ZMIZ1: variants seen among roughly 807,000 people sequenced by gnomAD.
ZMIZ1 encodes zinc finger MIZ-type containing 1, also known as zinc finger MIZ domain-containing protein 1.
ZMIZ1 carries 17 observed loss-of-function variants against 113.9 expected under a neutral mutation model. The ratio of observed to expected loss-of-function variants is 0.15; its 90% CI spans 0.10 to 0.22. The LOEUF is 0.22. Ranked by LOEUF, ZMIZ1 falls within the 10% of genes least tolerant of loss-of-function variation. The pLI, the probability that ZMIZ1 is intolerant of heterozygous loss-of-function variation, is 1.00. For synonymous variants in ZMIZ1, 607 were observed against 603.1 expected (o/e 1.01, Z -0.09); for missense variants, 1,059 against 1,477.8 (o/e 0.72, Z 4.65).
intron 4 of ZMIZ1, among the ~76,000 whole-genome samples, 176 bp downstream of exon 4, chr10:79,162,309 C>G (rs1285118317): frequency 6.6e-6 from 1 of 152,246 alleles, no homozygotes; most frequent in African/African-American, 2.4e-5. Context: ...TGGGCTGTCC[C>G]TCTACCTGGC....
chr10:79,231,454 A>T (rs1849389625), intron 7 of ZMIZ1, among the ~76,000 whole-genome samples: 1 of 152,064 alleles, frequency 6.6e-6, no homozygotes, highest in Admixed American at 6.6e-5. Context: ...GTGTTGACCA[A>T]GCTGGTCTTG....
At chr10:79,248,690 G>T (rs1426474252) in intron 7 of ZMIZ1, among the ~76,000 whole-genome samples, 7 of 152,178 alleles carry the variant, frequency 4.6e-5, no homozygotes, top group African/African-American at 1.7e-4. Flanking sequence ...AGGAGCTCCG[G>T]GAACTGGATG....
At chr10:79,299,783 G>A (rs540480868) in intron 16 of ZMIZ1, among the ~76,000 whole-genome samples, 2 of 152,362 alleles carry the variant, frequency 1.3e-5, no homozygotes, top group Admixed American at 1.3e-4. Context: ...AGGAAGCTGA[G>A]GCTAGAGAAG....
At chr10:79,226,779 TAGAC>T (rs1849216323) in intron 7 of ZMIZ1, among the ~76,000 whole-genome samples, 1 of 152,202 alleles carries the variant, frequency 6.6e-6, no homozygotes, top group African/African-American at 2.4e-5. Context: ...CCTTCTGGGT[TAGAC>T]AGACAGATAG....
Position 79,284,931 on chromosome 10 carries a change from C to T in ZMIZ1, c.426-4844C>T, listed in dbSNP as rs374580463. Among the ~76,000 whole-genome samples the T allele has an allele frequency of 3.9e-5, 6 of 152,336 alleles. No individual in the cohort carries two copies. In the East Asian group the frequency reaches 5.8e-4, roughly 15 times the overall value. On this transcript the variant is annotated intron_variant, in intron 8 of 24. Transcript: ENST00000334512. ...TCCTGGAAGACTATTTGGGTTTTCT[C>T]TGCAGCTGGGCTTTGAGGCCCATCT...
rs41306560 is a variant in ZMIZ1, at chr10:79,313,955, C to A, written c.*1206C>A. The A allele has an allele frequency of 1.5e-4, 63 of 429,630 alleles. No homozygotes were observed. Among genetic ancestry groups the A allele is most frequent in the Non-Finnish European group, 2.6e-4 (56 of 212,914 alleles). The allele number at this position is 429,630 out of a possible 1,614,324, so 26.6% of individuals were successfully genotyped here. A position where few individuals can be genotyped will look rare whatever the true frequency, so the allele number is the denominator to read the frequency against. ...CTGTCCCTGTGCTCCAAGCTGCCCCCGGCTGCAGCCCAGGCCATGGACATG... is the reference window on the plus strand; with the variant it reads ...CTGTCCCTGTGCTCCAAGCTGCCCCAGGCTGCAGCCCAGGCCATGGACATG... On this transcript the variant is annotated 3_prime_UTR_variant, in exon 25 of 25. Transcript: ENST00000334512.
intron 4 of ZMIZ1, among the ~76,000 whole-genome samples, chr10:79,187,996 ATTTTCAGCC>A (rs1472300490): frequency 6.6e-6 from 1 of 151,940 alleles, no homozygotes; most frequent in Non-Finnish European, 1.5e-5. Flanking sequence ...TTCCTTAGTT[ATTTTCAGCC>A]TTAGTTTTCC....
intron 6 of ZMIZ1, among the ~76,000 whole-genome samples, chr10:79,210,955 T>C (rs1848506532): frequency 6.6e-6 from 1 of 152,094 alleles, no homozygotes; most frequent in South Asian, 2.1e-4. Flanking sequence ...GCATAGACAG[T>C]GCCCACTCTC....
intron 1 of ZMIZ1, among the ~76,000 whole-genome samples, chr10:79,074,074 TG>T (rs1842389861): frequency 6.6e-6 from 1 of 152,202 alleles, no homozygotes; most frequent in Non-Finnish European, 1.5e-5. Flanking sequence ...TGGTACTTGG[TG>T]GATTTAGAAG....
intron 3 of ZMIZ1, among the ~76,000 whole-genome samples, chr10:79,159,685 G>T (rs749821): frequency 0.16 from 24,385 of 152,172 alleles, 2,207 homozygotes; most frequent in East Asian, 0.32. Flanking sequence ...CCACAATATG[G>T]ACTCAATACA....
At chr10:79,106,724 C>T (rs1843572659) in intron 1 of ZMIZ1, among the ~76,000 whole-genome samples, 2 of 152,246 alleles carry the variant, frequency 1.3e-5, no homozygotes, top group African/African-American at 4.8e-5. Flanking sequence ...CCTGCTAGGG[C>T]TGGATATGGG....
intron 4 of ZMIZ1, among the ~76,000 whole-genome samples, chr10:79,197,535 G>A (rs962868652): frequency 6.6e-6 from 1 of 150,688 alleles, no homozygotes; most frequent in Non-Finnish European, 1.5e-5. Context: ...CTCCCGCTTG[G>A]GTGACCTACA....
chr10:79,215,323 G>A (rs986529303), intron 6 of ZMIZ1, among the ~76,000 whole-genome samples: 2 of 147,644 alleles, frequency 1.4e-5, no homozygotes, highest in Non-Finnish European at 3.0e-5. Flanking sequence ...TTTTTGAGAA[G>A]GAGTCTTGCT....
intron 1 of ZMIZ1, among the ~76,000 whole-genome samples, chr10:79,096,637 G>A (rs371282905): frequency 1.5e-4 from 23 of 151,990 alleles, no homozygotes; most frequent in African/African-American, 4.6e-4. Flanking sequence ...GACCCGAAAC[G>A]CTGCCTTGAG....
chr10:79,102,301 A>G (rs771895522), intron 1 of ZMIZ1, among the ~76,000 whole-genome samples: 9 of 152,290 alleles, frequency 5.9e-5, no homozygotes, highest in South Asian at 2.1e-4. Flanking sequence ...GTGTATAAAC[A>G]CGGTTATTTT....
chr10:79,070,534 G>C (rs998830350), intron 1 of ZMIZ1, among the ~76,000 whole-genome samples: 2 of 152,124 alleles, frequency 1.3e-5, no homozygotes, highest in Non-Finnish European at 2.9e-5. Flanking sequence ...AGGGCAGCCG[G>C]TCCGGGCCCC....
At chr10:79,210,234 C>T (rs1429942173) in intron 6 of ZMIZ1, among the ~76,000 whole-genome samples, 1 of 152,174 alleles carries the variant, frequency 6.6e-6, no homozygotes, top group Non-Finnish European at 1.5e-5. Context: ...TTGCCCCGAG[C>T]CTGACCCTGT....
chr10:79,249,769 C>T (rs1353762637), intron 7 of ZMIZ1, among the ~76,000 whole-genome samples: 1 of 152,120 alleles, frequency 6.6e-6, no homozygotes, highest in Non-Finnish European at 1.5e-5. Context: ...CTCTGTGGCC[C>T]GCGGGCCTAC....
At chr10:79,175,679 A>T (rs944809025) in intron 4 of ZMIZ1, among the ~76,000 whole-genome samples, 1 of 147,102 alleles carries the variant, frequency 6.8e-6, no homozygotes, top group African/African-American at 2.5e-5. Context: ...TGGCCACCAC[A>T]CCCTTCACAC....
Sources: allele counts gnomAD v4.1 joint callset (sites outside exome capture counted in the v4.1 genomes callset), GRCh38; gene constraint gnomAD v4.1.1; transcripts MANE v1.5; gene names NCBI Gene and HGNC (gene_info 2026-07-23, HGNC 2026-07-21).